Variants in FAM240B observed in about 807,000 individuals in gnomAD.
The protein encoded by FAM240B is family with sequence similarity 240 member B, also known as protein FAM240B.
intron 1 of FAM240B, among the ~76,000 whole-genome samples, chr9:38,710,132 G>A (rs1821237813): frequency 6.6e-6 from 1 of 152,126 alleles, no homozygotes; most frequent in Non-Finnish European, 1.5e-5. Flanking sequence ...ACCACACCCA[G>A]GTAATTTTTG....
intron 2 of FAM240B, among the ~76,000 whole-genome samples, chr9:38,701,727 G>C (rs1249505997): frequency 1.3e-5 from 2 of 152,176 alleles, no homozygotes; most frequent in African/African-American, 2.4e-5. Context: ...TTCAGTCATA[G>C]AAGTTAGAGG....
intron 2 of FAM240B, among the ~76,000 whole-genome samples, chr9:38,697,708 G>C (rs1821083996): frequency 6.6e-6 from 1 of 152,168 alleles, no homozygotes; most frequent in African/African-American, 2.4e-5. Context: ...ATTTTACAAT[G>C]TATGCTCTTC....
chr9:38,713,696 A>G (rs1296045197), intron 1 of FAM240B, among the ~76,000 whole-genome samples: 1 of 152,138 alleles, frequency 6.6e-6, no homozygotes, highest in Non-Finnish European at 1.5e-5. Flanking sequence ...CCACTGAAGC[A>G]TTTAGAGGGG....
intron 1 of FAM240B, among the ~76,000 whole-genome samples, chr9:38,713,906 A>T (rs1821283895): frequency 6.6e-6 from 1 of 152,210 alleles, no homozygotes; most frequent in African/African-American, 2.4e-5. Flanking sequence ...ATCTCCTTTC[A>T]AGAGAAAAAT....
At chr9:38,695,301 G>T (rs1055287470) in intron 2 of FAM240B, among the ~76,000 whole-genome samples, 4 of 152,124 alleles carry the variant, frequency 2.6e-5, no homozygotes, top group East Asian at 3.9e-4. Context: ...GGCGGATCGC[G>T]CACGAGGTCA....
chr9:38,703,654 C>T (rs762369491), intron 2 of FAM240B, among the ~76,000 whole-genome samples: 5 of 152,184 alleles, frequency 3.3e-5, no homozygotes, highest in Non-Finnish European at 5.9e-5. Flanking sequence ...CAGTAAACTT[C>T]TTCCTTCCAA....
At chr9:38,714,063 A>G (rs1332802968) in intron 1 of FAM240B, among the ~76,000 whole-genome samples, 1 of 152,232 alleles carries the variant, frequency 6.6e-6, no homozygotes, top group Admixed American at 6.5e-5. Context: ...AGGGCATTGC[A>G]GAATTAGTCA....
intron 1 of FAM240B, among the ~76,000 whole-genome samples, chr9:38,717,153 CT>C (rs1282867099): frequency 6.6e-6 from 1 of 152,194 alleles, no homozygotes; most frequent in Non-Finnish European, 1.5e-5. Flanking sequence ...GGGGCTTCGG[CT>C]TCCCTCTCTT....
intron 1 of FAM240B, 66 bp downstream of exon 1, chr9:38,719,956 T>C (rs1468365094): frequency 6.6e-6 from 1 of 152,158 alleles, no homozygotes; most frequent in Non-Finnish European, 1.5e-5. Context: ...GTGATGTCTG[T>C]TTCAATTTTC....
intron 1 of FAM240B, among the ~76,000 whole-genome samples, chr9:38,717,050 A>AC (rs1443274275): frequency 6.6e-6 from 1 of 152,100 alleles, no homozygotes; most frequent in Non-Finnish European, 1.5e-5. Flanking sequence ...CCCCCGGAGG[A>AC]CGCAGTTAGG....
chr9:38,701,923 C>T (rs1437538223), intron 2 of FAM240B, among the ~76,000 whole-genome samples: 1 of 152,066 alleles, frequency 6.6e-6, no homozygotes, highest in Non-Finnish European at 1.5e-5. Context: ...CACACACACA[C>T]AATCTGTCAT....
intron 1 of FAM240B, among the ~76,000 whole-genome samples, chr9:38,716,463 C>T (rs1821303549): frequency 8.9e-6 from 1 of 112,748 alleles, no homozygotes; most frequent in South Asian, 3.5e-4. Flanking sequence ...CAGAGTGAGA[C>T]TCCGCTCTTA....
chr9:38,711,757 A>G (rs1314689538), intron 1 of FAM240B, among the ~76,000 whole-genome samples: 2 of 151,194 alleles, frequency 1.3e-5, no homozygotes, highest in Non-Finnish European at 2.9e-5. Context: ...CCAGGGTTCA[A>G]GCAATTCTCC....
Position 38,694,589 on chromosome 9 carries a change from G to A in FAM240B, c.*187C>T, listed in dbSNP as rs182089343. ...CTTGCGGTCATCCTGTCCTCTGTGC[G>A]GAGGGGATTGAGCAGGATAATAACT... On this transcript the variant is annotated 3_prime_UTR_variant, in exon 3 of 3. Coordinates refer to ENST00000637493, the MANE Select transcript of FAM240B (RefSeq NM_001394922.1). 1.9e-4 allele frequency: 74 copies of A among 391,384 alleles called. No individual in the cohort carries two copies. The East Asian group carries it at 2.4e-3, about 13-fold the overall frequency. The allele number at this position is 391,384 out of a possible 1,614,324, so 24.2% of individuals were successfully genotyped here. A position where few individuals can be genotyped will look rare whatever the true frequency, so the allele number is the denominator to read the frequency against.
intron 1 of FAM240B, among the ~76,000 whole-genome samples, chr9:38,711,259 G>A (rs10814743): frequency 0.26 from 39,060 of 152,184 alleles, 5,593 homozygotes; most frequent in Admixed American, 0.33. Context: ...TCTGACACCA[G>A]CACCAAACGT....
At chr9:38,718,317 C>G (rs1821332146) in intron 1 of FAM240B, among the ~76,000 whole-genome samples, 1 of 152,224 alleles carries the variant, frequency 6.6e-6, no homozygotes, top group African/African-American at 2.4e-5. Flanking sequence ...TCCAGGTACC[C>G]TGAAATGTTT....
intron 1 of FAM240B, among the ~76,000 whole-genome samples, chr9:38,707,747 C>T (rs987305190): frequency 6.8e-6 from 1 of 146,696 alleles, no homozygotes; most frequent in Non-Finnish European, 1.5e-5. Context: ...TGAGCTGAGG[C>T]AGCGCCACTG....
chr9:38,710,059 T>C (rs1821236827), intron 1 of FAM240B, among the ~76,000 whole-genome samples: 7 of 152,166 alleles, frequency 4.6e-5, no homozygotes, highest in Admixed American at 4.6e-4. Flanking sequence ...AACCTCCGCC[T>C]CCCGGGTTCA....
At chr9:38,716,047 G>C (rs1664654443) in intron 1 of FAM240B, among the ~76,000 whole-genome samples, 1 of 152,198 alleles carries the variant, frequency 6.6e-6, no homozygotes, top group Non-Finnish European at 1.5e-5. Flanking sequence ...AGATGCTCCT[G>C]GGTTTGCCTC....
Sources: gnomAD v4.1 joint callset for allele counts (sites outside exome capture counted in the v4.1 genomes callset) on GRCh38, gnomAD v4.1.1 for gene constraint, MANE v1.5 for transcripts, NCBI Gene and HGNC (gene_info 2026-07-23, HGNC 2026-07-21) for gene names.